The following DISC1 variants were observed in gnomAD, a reference collection of about 807,000 sequenced individuals.
The protein encoded by DISC1 is disrupted in schizophrenia 1 protein.
Under a neutral mutation model 84.5 loss-of-function variants are expected in DISC1, and 57 were observed. The ratio of observed to expected loss-of-function variants is 0.67; its 90% CI spans 0.55 to 0.84. The LOEUF (loss-of-function observed/expected upper bound fraction) is 0.84. Among genes scored for constraint, DISC1 ranks in the 40% least tolerant of loss-of-function variants. The pLI is 0.00. For synonymous variants in DISC1, 411 were observed against 415.2 expected (o/e 0.99, Z 0.12); for missense variants, 1,000 against 1,057.8 (o/e 0.95, Z 0.76).
At chr1:231,653,920 C>G (rs990853869) in intron 1 of DISC1, among the ~76,000 whole-genome samples, 3 of 152,204 alleles carry the variant, frequency 2.0e-5, no homozygotes, top group East Asian at 3.8e-4. Flanking sequence ...CCATTTAGAA[C>G]AGAGTAAAGA....
intron 1 of DISC1, among the ~76,000 whole-genome samples, chr1:231,666,147 T>G (rs528412389): frequency 6.6e-6 from 1 of 151,608 alleles, no homozygotes; most frequent in South Asian, 2.1e-4. Flanking sequence ...TAATGCTTAT[T>G]TTTTTTTGGC....
intron 9 of DISC1, among the ~76,000 whole-genome samples, chr1:231,882,740 T>G (rs2086386403): frequency 6.6e-6 from 1 of 152,052 alleles, no homozygotes; most frequent in South Asian, 2.1e-4. Flanking sequence ...TGGTGTGCAT[T>G]TGGACCTGCC....
At chr1:231,933,987 A>G (rs1269319369) in intron 9 of DISC1, among the ~76,000 whole-genome samples, 3 of 152,226 alleles carry the variant, frequency 2.0e-5, no homozygotes, top group Admixed American at 6.5e-5. Context: ...TGTTGTGAAC[A>G]TAGGCCTTGA....
chr1:232,029,434 A>T (rs1363144514), intron 12 of DISC1, among the ~76,000 whole-genome samples: 2 of 152,346 alleles, frequency 1.3e-5, no homozygotes, highest in African/African-American at 4.8e-5. Context: ...TTCAAATTAG[A>T]GCTTATCTAG....
At chr1:231,866,429 AT>A (rs2085058810) in intron 9 of DISC1, 3 of 699,446 alleles carry the variant, frequency 4.3e-6, no homozygotes, top group South Asian at 1.6e-5. Flanking sequence ...ATTAAAAAAA[AT>A]AACATCAATG....
At chr1:231,722,110 G>A (rs900491816) in intron 3 of DISC1, among the ~76,000 whole-genome samples, 20 of 136,844 alleles carry the variant, frequency 1.5e-4, no homozygotes, top group East Asian at 1.3e-3. Flanking sequence ...CCAAGATCGC[G>A]CCACTGCACT....
chr1:231,718,029 G>A (rs1228445051), intron 3 of DISC1, among the ~76,000 whole-genome samples: 1 of 152,028 alleles, frequency 6.6e-6, no homozygotes, highest in East Asian at 1.9e-4. Context: ...GCAGAAAAAA[G>A]CCTGTGGGTC....
intron 9 of DISC1, among the ~76,000 whole-genome samples, chr1:231,907,808 C>G (rs976462903): frequency 6.6e-6 from 1 of 152,196 alleles, no homozygotes; most frequent in African/African-American, 2.4e-5. Context: ...AAAAGTGTTC[C>G]TATTTCTCCA....
intron 9 of DISC1, among the ~76,000 whole-genome samples, chr1:231,922,057 G>A (rs1296558554): frequency 6.6e-6 from 1 of 152,082 alleles, no homozygotes; most frequent in Non-Finnish European, 1.5e-5. Flanking sequence ...ATAGAATGCG[G>A]CCACCTAAAA....
chr1:231,773,374 ATTTGTTTG>A (rs565622981), intron 6 of DISC1, among the ~76,000 whole-genome samples: 2 of 151,620 alleles, frequency 1.3e-5, no homozygotes, highest in Non-Finnish European at 2.9e-5. Flanking sequence ...ATAGGTTTTT[ATTTGTTTG>A]TTTGTTTGTT....
intron 3 of DISC1, among the ~76,000 whole-genome samples, chr1:231,727,872 A>C (rs1442292906): frequency 6.6e-6 from 1 of 151,544 alleles, no homozygotes; most frequent in Non-Finnish European, 1.5e-5. Flanking sequence ...GGATCGCTTG[A>C]GCCCAGGAGT....
At chr1:231,842,579 C>T (rs746822962) in intron 9 of DISC1, among the ~76,000 whole-genome samples, 16 of 152,188 alleles carry the variant, frequency 1.1e-4, no homozygotes, top group Non-Finnish European at 1.3e-4. Flanking sequence ...CATATTCCTT[C>T]CTAAATGAGG....
chr1:231,635,741 A>T (rs145704961), intron 1 of DISC1, among the ~76,000 whole-genome samples: 3 of 152,188 alleles, frequency 2.0e-5, no homozygotes, highest in African/African-American at 7.2e-5. Context: ...TTCAGTTTAA[A>T]TATTTATTGA....
chr1:231,800,654 A>G (rs1447155675), intron 8 of DISC1, among the ~76,000 whole-genome samples: 1 of 152,172 alleles, frequency 6.6e-6, no homozygotes. Flanking sequence ...GGCAGTTATT[A>G]AGGAATTGAT....
chr1:231,649,580 G>T (rs997868204), intron 1 of DISC1, among the ~76,000 whole-genome samples: 1 of 152,192 alleles, frequency 6.6e-6, no homozygotes, highest in African/African-American at 2.4e-5. Context: ...GGTCTGCTTG[G>T]TGCAGAGCTG....
At chr1:231,835,578 C>G (rs1021486735) in intron 9 of DISC1, among the ~76,000 whole-genome samples, 9 of 152,160 alleles carry the variant, frequency 5.9e-5, no homozygotes, top group Admixed American at 5.9e-4. Flanking sequence ...AAGGCAGGAA[C>G]TGGCCATCTG....
chr1:231,767,587 G>A (rs575149248), intron 5 of DISC1, among the ~76,000 whole-genome samples: 11 of 152,286 alleles, frequency 7.2e-5, no homozygotes, highest in East Asian at 1.9e-4. Flanking sequence ...GTGAGCCACT[G>A]TGCCAAGCTG....
At chr1:231,768,641 A>G (rs2076331499) in intron 5 of DISC1, among the ~76,000 whole-genome samples, 1 of 152,208 alleles carries the variant, frequency 6.6e-6, no homozygotes, top group Non-Finnish European at 1.5e-5. Context: ...TATTCAACAG[A>G]CATTTATTAA....
chr1:231,998,347 G>A (rs1666226489), intron 10 of DISC1, among the ~76,000 whole-genome samples: 1 of 152,012 alleles, frequency 6.6e-6, no homozygotes, highest in African/African-American at 2.4e-5. Flanking sequence ...ACATATGAGA[G>A]AAAGATTGAG....
Sources: gnomAD v4.1 joint callset for allele counts (sites outside exome capture counted in the v4.1 genomes callset) on GRCh38, gnomAD v4.1.1 for gene constraint, MANE v1.5 for transcripts, NCBI Gene and HGNC (gene_info 2026-07-23, HGNC 2026-07-21) for gene names.